The following RAMP3 variants were observed in gnomAD, a reference collection of about 807,000 sequenced individuals.
RAMP3 encodes receptor activity-modifying protein 3.
A neutral mutation model predicts 13.5 loss-of-function variants in RAMP3; 14 were observed. That is an observed-to-expected ratio of 1.04 (90% CI 0.69 to 1.63). The LOEUF (loss-of-function observed/expected upper bound fraction) is 1.63. RAMP3 is among the 40% of genes most tolerant of loss of function. RAMP3 has a pLI of 0.00. For missense variants in RAMP3, 200 were observed against 204.8 expected, an observed-to-expected ratio of 0.98 and a Z score of 0.14; for synonymous variants, 106 against 88.3, an observed-to-expected ratio of 1.20 and a Z score of -1.12.
intron 1 of RAMP3, chr7:45,163,264 AG>A: frequency 1.0e-6 from 1 of 985,352 alleles, no homozygotes; most frequent in Non-Finnish European, 1.2e-6. Context: ...CTAGGGATAG[AG>A]CCCCCAAGCC....
rs148542783 is a variant in RAMP3, at chr7:45,183,334, C to T, written c.369C>T (p.Ile123=). The change falls in exon 3 of 3, where the codon ATC becomes ATT. Residue 123 remains isoleucine (I), a synonymous_variant. Coordinates refer to ENST00000242249, the MANE Select transcript of RAMP3 (RefSeq NM_005856.3). The stretch of plus-strand genomic sequence containing the variant: ...CAGACGAGGTTCTCATCCCGCTGAT[C>T]GTTATACCCGTCGTTCTGACTGTCG... ...DPPDEVLIPL[I]VIPVVLTVAM... The T allele has an allele frequency of 7.4e-6, 12 of 1,613,916 alleles. No individual in the cohort carries two copies. The South Asian group carries it at 7.7e-5, about 10-fold the overall frequency.
At chr7:45,179,420 AG>A (rs1786259583) in intron 2 of RAMP3, among the ~76,000 whole-genome samples, 1 of 152,208 alleles carries the variant, frequency 6.6e-6, no homozygotes, top group Non-Finnish European at 1.5e-5. Flanking sequence ...CCTGAAGGAC[AG>A]AGACCAGAGA....
rs11980905 is a variant in RAMP3 at position 45,182,078 on chromosome 7, C to T, written c.192-1079C>T. On this transcript the variant is annotated intron_variant, in intron 2 of 2. Transcript: ENST00000242249. ...CCTTTCTGATGCTTTGGGAAATCTACGCCCAGATGATGTTCCATGCAGGAG... is the reference window on the plus strand; with the variant it reads ...CCTTTCTGATGCTTTGGGAAATCTATGCCCAGATGATGTTCCATGCAGGAG... Among the ~76,000 whole-genome samples, 1,392 of 152,286 alleles carry T rather than the reference C, an allele frequency of 9.1e-3. 22 individuals are homozygous for T. Among genetic ancestry groups the T allele is most frequent in the African/African-American group, 0.032 (1,335 of 41,546 alleles).
chr7:45,183,280 C>A lies in RAMP3; in HGVS notation c.315C>A (p.Thr105=), dbSNP rs1043997154. Residue 105 remains threonine, a synonymous_variant, in exon 3 of 3, where the codon ACC becomes ACA. Coordinates refer to ENST00000242249, the MANE Select transcript of RAMP3 (RefSeq NM_005856.3). ...GIHRQFFSNC[T]VDRVHLEDPP... is the part of the protein sequence containing the mutation. ...ACAGGCAGTTCTTCTCCAACTGCAC[C>A]GTGGACAGGGTCCACTTGGAGGACC... 6.2e-7 allele frequency: 1 copy of A among 1,614,118 alleles called. No homozygotes were observed. The highest frequency in any genetic ancestry group is 1.3e-5 in the African/African-American group (1 of 75,064).
chr7:45,179,679 G>T (rs559255762), intron 2 of RAMP3, among the ~76,000 whole-genome samples: 1 of 152,150 alleles, frequency 6.6e-6, no homozygotes, highest in African/African-American at 2.4e-5. Context: ...CAGTCCAGGC[G>T]TAACACCAAG....
intron 2 of RAMP3, among the ~76,000 whole-genome samples, chr7:45,178,779 G>T (rs906022344): frequency 1.4e-4 from 22 of 152,192 alleles, no homozygotes; most frequent in African/African-American, 4.8e-4. Flanking sequence ...CTAAAGCCTT[G>T]GTAAAGAGAC....
intron 1 of RAMP3, among the ~76,000 whole-genome samples, chr7:45,168,187 G>C (rs1422829410): frequency 4.6e-5 from 7 of 151,856 alleles, no homozygotes; most frequent in Admixed American, 1.3e-4. Context: ...GATCACCTGA[G>C]GTCAGGAGTT....
At chr7:45,177,496 C>T (rs1339006455) in intron 2 of RAMP3, 55 bp downstream of exon 2, 1 of 1,607,264 alleles carries the variant, frequency 6.2e-7, no homozygotes, top group Non-Finnish European at 8.5e-7. Flanking sequence ...TGCCCACTGC[C>T]CAACCACTGC....
intron 1 of RAMP3, among the ~76,000 whole-genome samples, chr7:45,160,664 A>G (rs1340431804): frequency 6.6e-6 from 1 of 152,164 alleles, no homozygotes; most frequent in African/African-American, 2.4e-5. Context: ...GACTAGCCAC[A>G]AAAGCCCTTT....
At chr7:45,180,068 T>C (rs983447333) in intron 2 of RAMP3, among the ~76,000 whole-genome samples, 2 of 152,254 alleles carry the variant, frequency 1.3e-5, no homozygotes, top group African/African-American at 4.8e-5. Context: ...CTGTCAGACG[T>C]GTGGCACCTC....
chr7:45,183,160 C>T lies in RAMP3; in HGVS notation c.195C>T (p.Tyr65=). The T allele has an allele frequency of 6.2e-7, 1 of 1,610,742 alleles. No individual in the cohort carries two copies. Among genetic ancestry groups the T allele is most frequent in the Non-Finnish European group, 8.5e-7 (1 of 1,179,994 alleles). Residue 65 remains tyrosine, a synonymous_variant, in exon 3 of 3, where the codon TAC becomes TAT. Transcript: ENST00000242249. ...TTCACCCCCTCTGCTTTTGCAGGTA[C>T]TATGAGAGTTTCACCAACTGCACCG... The part of the protein sequence containing the change: ...KWCNLSEFIV[Y]YESFTNCTEM...
At chr7:45,174,921 G>A (rs1246075303) in intron 1 of RAMP3, among the ~76,000 whole-genome samples, 1 of 152,068 alleles carries the variant, frequency 6.6e-6, no homozygotes, top group Non-Finnish European at 1.5e-5. Flanking sequence ...AGGATGTTTT[G>A]CTAAATCTTT....
chr7:45,177,573 C>T lies in RAMP3; in HGVS notation c.191+132C>T. On this transcript the variant is annotated intron_variant, in intron 2 of 2. Transcript: ENST00000242249. ...TGCCTCACCCACAACCCACCGTAGGCCACCCACAGCCCTTTCATGTGCTGC... is the reference window on the plus strand; with the variant it reads ...TGCCTCACCCACAACCCACCGTAGGTCACCCACAGCCCTTTCATGTGCTGC... The T allele has an allele frequency of 3.8e-6, 5 of 1,317,614 alleles. No homozygotes were observed. In the Middle Eastern group the frequency reaches 7.5e-4, roughly 199 times the overall value. The allele number at this position is 1,317,614 out of a possible 1,614,324, so 81.6% of individuals were successfully genotyped here. A position where few individuals can be genotyped will look rare whatever the true frequency, so the allele number is the denominator to read the frequency against.
At chr7:45,168,246 C>A (rs1282926808) in intron 1 of RAMP3, among the ~76,000 whole-genome samples, 2 of 151,556 alleles carry the variant, frequency 1.3e-5, no homozygotes, top group African/African-American at 4.8e-5. Context: ...ACTAAAAATA[C>A]AAAAAATTAG....
chr7:45,169,401 G>A (rs1346695724), intron 1 of RAMP3, among the ~76,000 whole-genome samples: 1 of 151,924 alleles, frequency 6.6e-6, no homozygotes, highest in Non-Finnish European at 1.5e-5. Context: ...TCTATACCTG[G>A]GATTATCTTT....
intron 1 of RAMP3, among the ~76,000 whole-genome samples, chr7:45,164,302 A>ATGG (rs1785917604): frequency 6.6e-6 from 1 of 152,198 alleles, no homozygotes. Flanking sequence ...TAATTCCAGC[A>ATGG]CTTTGGGAGG....
intron 1 of RAMP3, among the ~76,000 whole-genome samples, chr7:45,161,177 G>A (rs1294526326): frequency 6.6e-6 from 1 of 152,216 alleles, no homozygotes; most frequent in Non-Finnish European, 1.5e-5. Context: ...TATGGAGTAT[G>A]TAGAGATTTG....
chr7:45,159,420 G>T (rs926488761), intron 1 of RAMP3, among the ~76,000 whole-genome samples: 4 of 152,242 alleles, frequency 2.6e-5, no homozygotes, highest in African/African-American at 9.6e-5. Context: ...TCTTGACTGA[G>T]GACTAGCTCA....
chr7:45,157,917 C>T, intron 1 of RAMP3, 31 bp downstream of exon 1: 7 of 1,344,836 alleles, frequency 5.2e-6, no homozygotes, highest in Non-Finnish European at 5.7e-6. Context: ...ACCGGGGGCG[C>T]CCCCACTCCT....
Sources: allele counts gnomAD v4.1 joint callset (sites outside exome capture counted in the v4.1 genomes callset), GRCh38; gene constraint gnomAD v4.1.1; transcripts MANE v1.5; gene names NCBI Gene and HGNC (gene_info 2026-07-23, HGNC 2026-07-21).